Variants in LZTS2 observed in about 807,000 individuals in gnomAD.
The protein encoded by LZTS2 is leucine zipper putative tumor suppressor 2.
A neutral mutation model predicts 60.6 loss-of-function variants in LZTS2; 32 were observed. The ratio of observed to expected loss-of-function variants is 0.53; its 90% CI spans 0.40 to 0.71. The LOEUF (loss-of-function observed/expected upper bound fraction) is 0.71, where lower values mean the gene tolerates loss of function less well. LZTS2 is among the 30% of genes least tolerant of loss of function. The pLI is 0.00. For missense variants in LZTS2, 792 were observed against 901.9 expected (o/e 0.88, Z 1.56); for synonymous variants, 360 against 393.1 (o/e 0.92, Z 1.00).
chr10:101,007,585 A>G (rs1454869556), exon 4 of LZTS2: 1 of 1,291,682 alleles, frequency 7.7e-7, no homozygotes, highest in Admixed American at 2.3e-5. Flanking sequence ...GCCTGCCCAC[A>G]TTGGGGGACA....
At chr10:101,001,053 C>G (rs1218786547) in exon 1 of LZTS2, 1 of 152,298 alleles carries the variant, frequency 6.6e-6, no homozygotes, top group African/African-American at 2.4e-5. Context: ...AAACAGGCTC[C>G]CCCCACCAAT....
upstream of LZTS2, chr10:100,999,069 C>T (rs540015703): frequency 4.6e-5 from 7 of 152,378 alleles, no homozygotes; most frequent in Non-Finnish European, 7.3e-5. Flanking sequence ...CGGTTCGCCC[C>T]AGTGATTGTT....
At position 101,006,881 on chromosome 10, in the gene LZTS2, G is replaced by A. The variant is rs767931672; in HGVS notation, c.1723G>A (p.Val575Met). The stretch of plus-strand genomic sequence containing the variant: ...GGTTGGGGGCAGCTTGCGGGCCCAG[G>A]TGGAGCGATTGCGGGTGGAGCTGCA... The change falls in exon 4 of 4, where the codon GTG becomes ATG. Residue 575 changes from valine to methionine, a missense_variant. Transcript: ENST00000370220. 1.9e-5 allele frequency: 29 copies of A among 1,533,982 alleles called. No individual in the cohort carries two copies. Among genetic ancestry groups the A allele is most frequent in the African/African-American group, 4.1e-5 (3 of 73,580 alleles).
upstream of LZTS2, among the ~76,000 whole-genome samples, chr10:100,997,685 A>G (rs11190786): frequency 0.27 from 40,868 of 152,158 alleles, 6,259 homozygotes; most frequent in East Asian, 0.55. Context: ...ACGTAAACAG[A>G]CGCCGAGCAC....
chr10:101,003,628 G>T (rs762760697), exon 2 of LZTS2: 1 of 1,605,002 alleles, frequency 6.2e-7, no homozygotes, highest in South Asian at 1.1e-5. Context: ...GGGAGCCAGG[G>T]CAGCCTGACG....
upstream of LZTS2, chr10:100,997,260 AG>A (rs1036527571): frequency 6.6e-6 from 1 of 152,180 alleles, no homozygotes; most frequent in African/African-American, 2.4e-5. Flanking sequence ...GCGGAGGTGC[AG>A]GAACTCCCGC....
chr10:101,004,298 C>T (rs1160542440), intron 2 of LZTS2, 132 bp downstream of exon 3: 2 of 987,282 alleles, frequency 2.0e-6, no homozygotes, highest in Non-Finnish European at 2.9e-6. Context: ...GCCCTCCCCA[C>T]CAGTTGTCTG....
chr10:101,007,425 C>T (rs371834316), exon 4 of LZTS2: 46 of 1,446,240 alleles, frequency 3.2e-5, no homozygotes, highest in East Asian at 1.9e-4. Flanking sequence ...CATTCCCCAC[C>T]GCTGCCAGTG....
exon 1 of LZTS2, chr10:100,999,883 C>G (rs1278536507): frequency 1.3e-5 from 2 of 150,900 alleles, no homozygotes; most frequent in Non-Finnish European, 2.9e-5. Context: ...GAGCCGGAGC[C>G]GGGGCCGGGC....
At chr10:101,007,460 G>A (rs1224985287) in exon 4 of LZTS2, 5 of 1,457,506 alleles carry the variant, frequency 3.4e-6, no homozygotes, top group Non-Finnish European at 3.6e-6. Flanking sequence ...GTTCACAGGC[G>A]CTTCCAGCCC....
intron 3 of LZTS2, 145 bp downstream of exon 4, chr10:101,005,860 C>A: frequency 8.5e-7 from 1 of 1,179,478 alleles, no homozygotes; most frequent in Non-Finnish European, 1.1e-6. Flanking sequence ...CCCTCTGTCC[C>A]TTTCTGGGAG....
At chr10:101,002,037 T>C (rs985448794) in exon 1 of LZTS2, 2 of 152,794 alleles carry the variant, frequency 1.3e-5, no homozygotes, top group African/African-American at 4.8e-5. Context: ...GCCTTGGCTC[T>C]TTGTTCCCTA....
intron 2 of LZTS2, among the ~76,000 whole-genome samples, 192 bp from the exon 4 acceptor site, chr10:101,005,266 G>A (rs1417269865): frequency 6.6e-6 from 1 of 152,152 alleles, no homozygotes; most frequent in Non-Finnish European, 1.5e-5. Context: ...GTGAGCCACC[G>A]AGCCCGGTCT....
intron 2 of LZTS2, among the ~76,000 whole-genome samples, chr10:101,004,705 CTT>C (rs1852131792): frequency 6.6e-6 from 1 of 152,216 alleles, no homozygotes; most frequent in African/African-American, 2.4e-5. Flanking sequence ...AGTTGCTTAA[CTT>C]TACTCAGCCT....
chr10:101,003,993 C>G (rs2275381), exon 2 of LZTS2: 20 of 1,612,734 alleles, frequency 1.2e-5, no homozygotes, highest in South Asian at 1.1e-5. Context: ...CAGTGGTACT[C>G]GGGCCTCCCC....
rs564443782 is a variant in LZTS2 at position 101,006,362 on chromosome 10, C to CTCCATCTG, written c.1327-121_1327-114dup. ...CATGTCACTAGACTTGCTTTAGTGT[C>CTCCATCTG]TCCATCTGTAAAATGGGGATAAAGA... On this transcript the variant is annotated intron_variant, in intron 3 of 3. Transcript: ENST00000370220. 505 of 1,435,270 alleles carry CTCCATCTG rather than the reference C, an allele frequency of 3.5e-4. 1 individual carries two copies. The African/African-American group carries it at 6.5e-3, about 18-fold the overall frequency. The allele number at this position is 1,435,270 out of a possible 1,614,324, so 88.9% of individuals were successfully genotyped here.
At chr10:101,000,943 G>T (rs1250566835) in exon 1 of LZTS2, 1 of 152,318 alleles carries the variant, frequency 6.6e-6, no homozygotes, top group Non-Finnish European at 1.5e-5. Context: ...GGGAAGGAGG[G>T]CGGTGGATTT....
exon 2 of LZTS2, chr10:101,003,574 C>T (rs745930069): frequency 4.5e-6 from 7 of 1,564,690 alleles, no homozygotes; most frequent in South Asian, 2.4e-5. Flanking sequence ...CGAGGGGCTC[C>T]GTCCCTGCCT....
At chr10:100,999,923 T>TG in exon 1 of LZTS2, 1 of 153,064 alleles carries the variant, frequency 6.5e-6, no homozygotes, top group South Asian at 1.8e-4. Context: ...GGGGGCGGCC[T>TG]GGGGCTGAGC....
Sources: allele counts gnomAD v4.1 joint callset (sites outside exome capture counted in the v4.1 genomes callset), GRCh38; gene constraint gnomAD v4.1.1; transcripts MANE v1.5; gene names NCBI Gene and HGNC (gene_info 2026-07-23, HGNC 2026-07-21).